Variants in GPC3 observed in about 807,000 individuals in gnomAD.
The protein encoded by GPC3 is glypican 3, also known as glypican-3.
GPC3 carries 3 observed loss-of-function variants against 34.4 expected under a neutral mutation model. The observed-to-expected ratio is 0.09, with a 90% CI of 0.04 to 0.23. The LOEUF is 0.23. GPC3 is among the 10% of genes least tolerant of loss of function. GPC3 has a pLI of 1.00. For missense variants in GPC3, 351 were observed against 445.6 expected (o/e 0.79, Z 1.91); for synonymous variants, 177 against 174.0 (o/e 1.02, Z -0.13).
At chrX:133,664,013 C>A (rs1390774897) in intron 5 of GPC3, among the ~76,000 whole-genome samples, 1 of 111,623 alleles carries the variant, frequency 9.0e-6, no homozygotes, top group Non-Finnish European at 1.9e-5. Context: ...GTAAGCAAAT[C>A]TTTTTAACTG....
chrX:133,933,827 C>A (rs1460159218), intron 2 of GPC3, among the ~76,000 whole-genome samples: 1 of 108,505 alleles, frequency 9.2e-6, no homozygotes. Flanking sequence ...GTACAGTCTG[C>A]ATAACTGTGG....
intron 1 of GPC3, among the ~76,000 whole-genome samples, chrX:133,979,343 T>G (rs2076528872): frequency 8.9e-6 from 1 of 111,998 alleles, no homozygotes; most frequent in Non-Finnish European, 1.9e-5. Context: ...ATACAAACTC[T>G]CAAATTAGGC....
rs183357391 is a variant in GPC3 at position 133,779,352 on chromosome X, A to C, written c.338-25176T>G. Reference sequence around the variant, plus strand: ...TTTCCTGTACAGAGACAGTTATAATACAGTAGTTAAGAACATGAACTCTGG... The same window carrying C: ...TTTCCTGTACAGAGACAGTTATAATCCAGTAGTTAAGAACATGAACTCTGG... On this transcript the variant is annotated intron_variant, in intron 2 of 7. Transcript: ENST00000370818. 3.6e-5 allele frequency among the ~76,000 whole-genome samples: 4 copies of C among 112,352 alleles called. 1 individual carries two copies. The Admixed American group carries it at 3.8e-4, about 11-fold the overall frequency.
At chrX:133,603,513 G>A (rs1055985120) in intron 6 of GPC3, among the ~76,000 whole-genome samples, 10 of 111,852 alleles carry the variant, frequency 8.9e-5, no homozygotes, top group African/African-American at 3.2e-4. Flanking sequence ...CTTAGTAAAC[G>A]CTCTTCAAAC....
chrX:133,796,244 A>AT (rs1393788843), intron 2 of GPC3, among the ~76,000 whole-genome samples: 6 of 112,186 alleles, frequency 5.3e-5, no homozygotes, highest in Non-Finnish European at 1.1e-4. Context: ...CGCGCCTGGC[A>AT]TAAGAGCCAT....
intron 2 of GPC3, among the ~76,000 whole-genome samples, chrX:133,894,860 C>T (rs1293403302): frequency 9.0e-6 from 1 of 111,459 alleles, no homozygotes; most frequent in African/African-American, 3.3e-5. Context: ...AAAAGAAACA[C>T]ATGAAGAAAA....
At chrX:133,576,284 C>G (rs922141531) in intron 7 of GPC3, among the ~76,000 whole-genome samples, 1 of 111,383 alleles carries the variant, frequency 9.0e-6, no homozygotes, top group Non-Finnish European at 1.9e-5. Flanking sequence ...CACTGTGTCA[C>G]CTAGGCTGGA....
At chrX:133,926,544 A>G (rs1186902399) in intron 2 of GPC3, among the ~76,000 whole-genome samples, 4 of 112,664 alleles carry the variant, frequency 3.6e-5, no homozygotes, top group Admixed American at 2.8e-4. Context: ...TTGAAACACA[A>G]TCTAAAGCAA....
chrX:133,567,981 G>A (rs1406083569), intron 7 of GPC3, among the ~76,000 whole-genome samples: 1 of 112,148 alleles, frequency 8.9e-6, no homozygotes, highest in Non-Finnish European at 1.9e-5. Flanking sequence ...TACCAAACTA[G>A]CTGAACTTGG....
At chrX:133,576,711 T>C (rs1369717924) in intron 7 of GPC3, among the ~76,000 whole-genome samples, 1 of 110,472 alleles carries the variant, frequency 9.1e-6, no homozygotes. Context: ...AATCTGCTAG[T>C]TGGTTATTGT....
intron 2 of GPC3, among the ~76,000 whole-genome samples, chrX:133,888,498 C>T (rs1334267722): frequency 8.9e-6 from 1 of 112,078 alleles, no homozygotes; most frequent in Non-Finnish European, 1.9e-5. Context: ...GGAATTGCCA[C>T]ACTGTCTTCC....
At chrX:133,802,445 A>G (rs1040436390) in intron 2 of GPC3, among the ~76,000 whole-genome samples, 5 of 112,133 alleles carry the variant, frequency 4.5e-5, no homozygotes, top group Non-Finnish European at 9.4e-5. Flanking sequence ...GTGGTTCTCA[A>G]GACTGTGCTT....
intron 2 of GPC3, among the ~76,000 whole-genome samples, chrX:133,827,731 C>G (rs1373020853): frequency 4.6e-5 from 5 of 109,088 alleles, no homozygotes; most frequent in Non-Finnish European, 9.5e-5. Context: ...TGCAGTGAGC[C>G]GAGATCACGC....
At chrX:133,539,621 T>C (rs2069324670) in intron 7 of GPC3, among the ~76,000 whole-genome samples, 1 of 112,259 alleles carries the variant, frequency 8.9e-6, no homozygotes, top group Non-Finnish European at 1.9e-5. Flanking sequence ...GGCCAAGTCT[T>C]CTACCTCCAA....
chrX:133,822,608 A>G (rs2075724877), intron 2 of GPC3, among the ~76,000 whole-genome samples: 1 of 111,621 alleles, frequency 9.0e-6, no homozygotes. Context: ...TAGCATATAC[A>G]GGGTTCAGTA....
intron 2 of GPC3, among the ~76,000 whole-genome samples, chrX:133,933,728 G>A (rs1304188063): frequency 2.7e-5 from 3 of 110,173 alleles, no homozygotes; most frequent in Non-Finnish European, 3.8e-5. Context: ...CTTTCGGCAC[G>A]TGATGTTGCA....
chrX:133,596,343 G>A lies in GPC3; in HGVS notation c.1573+97C>T, dbSNP rs1603183174. ...GAGTTGATGAGATTGTGTGTTGCAG[G>A]GAATGTAAGGGAATTGCAGACAGCG... On this transcript the variant is annotated intron_variant, in intron 7 of 7. Transcript: ENST00000370818. The A allele has an allele frequency of 5.5e-6, 4 of 726,484 alleles. No individual in the cohort carries two copies. The East Asian group carries it at 9.5e-5, about 17-fold the overall frequency. 59.9% of individuals were successfully genotyped at this position (726,484 alleles called of 1,213,427 possible).
intron 2 of GPC3, among the ~76,000 whole-genome samples, chrX:133,922,382 C>A (rs979315744): frequency 2.7e-5 from 3 of 111,538 alleles, no homozygotes; most frequent in Non-Finnish European, 5.6e-5. Flanking sequence ...CTTTCCAGCT[C>A]TGAGAATGGA....
At position 133,779,356 on chromosome X, in the gene GPC3, T is replaced by C. The variant is rs766094294; in HGVS notation, c.338-25180A>G. Reference sequence around the variant, plus strand: ...CTGTACAGAGACAGTTATAATACAGTAGTTAAGAACATGAACTCTGGAACC... The same window carrying C: ...CTGTACAGAGACAGTTATAATACAGCAGTTAAGAACATGAACTCTGGAACC... On this transcript the variant is annotated intron_variant, in intron 2 of 7. Transcript: ENST00000370818. Among the ~76,000 whole-genome samples the C allele has an allele frequency of 1.6e-3, 181 of 112,297 alleles. 1 individual carries two copies. Among genetic ancestry groups the C allele is most frequent in the African/African-American group, 5.7e-3 (175 of 30,942 alleles).
Sources: allele counts gnomAD v4.1 joint callset (sites outside exome capture counted in the v4.1 genomes callset), GRCh38; gene constraint gnomAD v4.1.1; transcripts MANE v1.5; gene names NCBI Gene and HGNC (gene_info 2026-07-23, HGNC 2026-07-21).